TMEM65: variants seen among roughly 807,000 people sequenced by gnomAD.
The protein encoded by TMEM65 is transmembrane protein 65.
TMEM65 carries 22 observed loss-of-function variants against 25.4 expected under a neutral mutation model. That is an observed-to-expected ratio of 0.86 (90% confidence interval 0.62 to 1.23). TMEM65 has a LOEUF of 1.23. TMEM65 is among the 50% of genes most tolerant of loss of function. The pLI is 0.00. For missense variants in TMEM65, 262 were observed against 308.2 expected, an observed-to-expected ratio of 0.85 and a Z score of 1.12; for synonymous variants, 132 against 126.2, an observed-to-expected ratio of 1.05 and a Z score of -0.31.
At chr8:124,362,880 AAAAG>A (rs1240248710) in intron 1 of TMEM65, among the ~76,000 whole-genome samples, 1 of 152,200 alleles carries the variant, frequency 6.6e-6, no homozygotes, top group African/African-American at 2.4e-5. Context: ...AAACTGCAAA[AAAAG>A]AAAGAGGGGA....
At chr8:124,325,924 C>A (rs1383352966) in intron 3 of TMEM65, among the ~76,000 whole-genome samples, 1 of 152,022 alleles carries the variant, frequency 6.6e-6, no homozygotes, top group Non-Finnish European at 1.5e-5. Context: ...GAAACCAAAT[C>A]TTCTATTTAT....
At chr8:124,348,039 A>G (rs897987199) in intron 1 of TMEM65, among the ~76,000 whole-genome samples, 2 of 128,740 alleles carry the variant, frequency 1.6e-5, no homozygotes, top group African/African-American at 6.3e-5. Flanking sequence ...TACAGGCAGT[A>G]GCCAGGGTTA....
intron 1 of TMEM65, among the ~76,000 whole-genome samples, chr8:124,369,309 T>C (rs1391021477): frequency 6.6e-6 from 1 of 152,204 alleles, no homozygotes; most frequent in Non-Finnish European, 1.5e-5. Context: ...CAAAGCTTTA[T>C]CTCATCACAG....
chr8:124,359,609 G>A (rs554297621), intron 1 of TMEM65, among the ~76,000 whole-genome samples: 1 of 152,196 alleles, frequency 6.6e-6, no homozygotes, highest in African/African-American at 2.4e-5. Context: ...AGGCATGGTA[G>A]TACACGCCTG....
At chr8:124,330,422 A>T (rs979834511) in intron 2 of TMEM65, among the ~76,000 whole-genome samples, 1 of 152,070 alleles carries the variant, frequency 6.6e-6, no homozygotes, top group South Asian at 2.1e-4. Flanking sequence ...CTAGTTCTGC[A>T]TTTACCCAAC....
rs979996980 is a variant in TMEM65, at chr8:124,312,746, A to G, written c.*1214T>C. ...GTAACTTCAACCTAAAATATGCTTT[A>G]AATACCACAAAAGAAGAAAAAAGAA... On this transcript the variant is annotated 3_prime_UTR_variant, in exon 7 of 7. Coordinates refer to ENST00000297632, the MANE Select transcript of TMEM65 (RefSeq NM_194291.3). 1.3e-5 allele frequency: 2 copies of G among 151,964 alleles called. No individual in the cohort carries two copies. The highest frequency in any genetic ancestry group is 4.8e-5 in the African/African-American group (2 of 41,460). 9.4% of individuals were successfully genotyped at this position (151,964 alleles called of 1,614,324 possible).
chr8:124,314,295 C>T (rs1213629067), intron 6 of TMEM65, among the ~76,000 whole-genome samples: 1 of 152,190 alleles, frequency 6.6e-6, no homozygotes, highest in Non-Finnish European at 1.5e-5. Context: ...CATTTTCTCA[C>T]AAACTCTTTT....
Position 124,356,423 on chromosome 8 carries a change from T to G in TMEM65, c.304+15431A>C, listed in dbSNP as rs543529899. Among the ~76,000 whole-genome samples the G allele has an allele frequency of 1.6e-4, 25 of 152,304 alleles. No homozygotes were observed. The South Asian group carries it at 4.8e-3, about 29-fold the overall frequency. ...CCAGTAACATATACTTAAAGTAAATTCACATTTCTGACTTATGAGTAAAGA... is the reference window on the plus strand; with the variant it reads ...CCAGTAACATATACTTAAAGTAAATGCACATTTCTGACTTATGAGTAAAGA... On this transcript the variant is annotated intron_variant, in intron 1 of 6. Transcript: ENST00000297632.
intron 3 of TMEM65, among the ~76,000 whole-genome samples, chr8:124,325,467 C>T (rs1443139298): frequency 6.6e-6 from 1 of 151,980 alleles, no homozygotes; most frequent in Non-Finnish European, 1.5e-5. Flanking sequence ...ATTTTTGCCA[C>T]ACCTACTACT....
chr8:124,355,338 T>C (rs1814765356), intron 1 of TMEM65, among the ~76,000 whole-genome samples: 1 of 152,230 alleles, frequency 6.6e-6, no homozygotes, highest in Admixed American at 6.5e-5. Context: ...CCACATCTTA[T>C]ATTATCATTA....
intron 6 of TMEM65, among the ~76,000 whole-genome samples, chr8:124,318,310 AC>A (rs1288192721): frequency 5.4e-5 from 8 of 148,988 alleles, no homozygotes; most frequent in Admixed American, 2.7e-4. Context: ...GATCTGACCC[AC>A]AGAAAATGAG....
intron 6 of TMEM65, among the ~76,000 whole-genome samples, chr8:124,319,432 C>A (rs1410443853): frequency 2.0e-5 from 3 of 152,132 alleles, no homozygotes; most frequent in Non-Finnish European, 4.4e-5. Context: ...CTGATCCCTG[C>A]TTACTTCTCC....
chr8:124,326,187 C>T (rs777715931), intron 3 of TMEM65, among the ~76,000 whole-genome samples: 1 of 152,030 alleles, frequency 6.6e-6, no homozygotes, highest in Non-Finnish European at 1.5e-5. Context: ...TAAATAAAGA[C>T]CCCACCTGGG....
intron 1 of TMEM65, among the ~76,000 whole-genome samples, chr8:124,351,962 AT>A (rs1814714606): frequency 6.6e-6 from 1 of 152,004 alleles, no homozygotes; most frequent in Non-Finnish European, 1.5e-5. Flanking sequence ...TTGATTATCC[AT>A]TTTTGTAAAA....
intron 1 of TMEM65, 47 bp downstream of exon 1, chr8:124,371,807 G>T (rs530434004): frequency 3.4e-6 from 5 of 1,479,092 alleles, no homozygotes; most frequent in Non-Finnish European, 3.6e-6. Flanking sequence ...GGCGAGAAGA[G>T]GAGGGCGTCG....
At chr8:124,325,024 AT>A (rs999198483) in intron 3 of TMEM65, among the ~76,000 whole-genome samples, 13 of 152,136 alleles carry the variant, frequency 8.5e-5, no homozygotes, top group African/African-American at 2.6e-4. Flanking sequence ...ATATAAAAAT[AT>A]TTTTTAAACT....
At chr8:124,339,563 T>A (rs755993534) in intron 1 of TMEM65, among the ~76,000 whole-genome samples, 3 of 151,972 alleles carry the variant, frequency 2.0e-5, no homozygotes, top group Non-Finnish European at 2.9e-5. Flanking sequence ...AAAAGTGAGA[T>A]CTGAAGTATA....
At position 124,344,810 on chromosome 8, in the gene TMEM65, C is replaced by T. The variant is rs1051221677; in HGVS notation, c.305-14018G>A. ...CATATCCTCTCTAGAGTATTAAGTG[C>T]TCATGTATAGCCATACAATATATAT... On this transcript the variant is annotated intron_variant, in intron 1 of 6. Transcript: ENST00000297632. Among the ~76,000 whole-genome samples, 12 of 152,256 alleles carry T rather than the reference C, an allele frequency of 7.9e-5. No homozygotes were observed. The East Asian group carries it at 2.3e-3, about 29-fold the overall frequency.
chr8:124,324,897 A>C (rs1257252742), intron 3 of TMEM65, among the ~76,000 whole-genome samples: 1 of 152,066 alleles, frequency 6.6e-6, no homozygotes, highest in South Asian at 2.1e-4. Context: ...TACCTGGTTC[A>C]TTATCCTTAA....
Sources: allele counts gnomAD v4.1 joint callset (sites outside exome capture counted in the v4.1 genomes callset), GRCh38; gene constraint gnomAD v4.1.1; transcripts MANE v1.5; gene names NCBI Gene and HGNC (gene_info 2026-07-23, HGNC 2026-07-21).